The following PCDHA10 variants were observed in gnomAD, a reference collection of about 807,000 sequenced individuals.
The protein encoded by PCDHA10 is protocadherin alpha-10.
Under a neutral mutation model 61.2 loss-of-function variants are expected in PCDHA10, and 45 were observed. The ratio of observed to expected loss-of-function variants is 0.74; its 90% CI spans 0.58 to 0.94. The LOEUF (loss-of-function observed/expected upper bound fraction) is 0.94. PCDHA10 is among the 40% of genes least tolerant of loss of function. The probability of loss-of-function intolerance (pLI) is 0.00; values close to 1 mark genes in which losing one functional copy is unlikely to be tolerated. For missense variants in PCDHA10, 1,278 were observed against 1,236.2 expected (o/e 1.03, Z -0.51); for synonymous variants, 602 against 548.8 (o/e 1.10, Z -1.35).
chr5:140,892,158 T>A (rs1442080527), intron 1 of PCDHA10, among the ~76,000 whole-genome samples: 2 of 152,242 alleles, frequency 1.3e-5, no homozygotes, highest in Non-Finnish European at 2.9e-5. Context: ...ATTTCTGATA[T>A]GTCCAGTAAC....
intron 1 of PCDHA10, among the ~76,000 whole-genome samples, chr5:140,901,967 T>C (rs2069024315): frequency 6.6e-6 from 1 of 152,134 alleles, no homozygotes; most frequent in East Asian, 1.9e-4. Flanking sequence ...CTATCGTAAA[T>C]GGGATTACTT....
At chr5:140,944,344 C>T (rs567913669) in intron 1 of PCDHA10, among the ~76,000 whole-genome samples, 5 of 152,238 alleles carry the variant, frequency 3.3e-5, no homozygotes, top group Admixed American at 2.0e-4. Context: ...CGTGCCACCA[C>T]ACCTGGCTAA....
rs529065220 is a variant in PCDHA10, at chr5:140,930,291, C to T, written c.2389-48658C>T. On this transcript the variant is annotated intron_variant, in intron 1 of 3. Transcript: ENST00000307360. ...TATTTTAGGGGACAAATACACTTAA[C>T]AAATAAGTAAATATCATATTTGAGA... The T allele has an allele frequency of 2.6e-5, 4 of 152,208 alleles. No homozygotes were observed. The South Asian group carries it at 8.3e-4, about 32-fold the overall frequency. 9.4% of individuals were successfully genotyped at this position (152,208 alleles called of 1,614,324 possible). A position where few individuals can be genotyped will look rare whatever the true frequency, so the allele number is the denominator to read the frequency against.
At chr5:140,874,064 A>T (rs554642692) in intron 1 of PCDHA10, among the ~76,000 whole-genome samples, 17 of 152,334 alleles carry the variant, frequency 1.1e-4, no homozygotes, top group Admixed American at 1.1e-3. Flanking sequence ...AATTTAAATA[A>T]TTAGCCTGAT....
intron 1 of PCDHA10, chr5:140,877,538 C>T: frequency 1.2e-6 from 2 of 1,613,776 alleles, no homozygotes; most frequent in Non-Finnish European, 1.7e-6. Context: ...GCTGTGGATC[C>T]CGAAGCGGCT....
chr5:140,877,727 A>C, intron 1 of PCDHA10: 1 of 1,614,136 alleles, frequency 6.2e-7, no homozygotes, highest in South Asian at 1.1e-5. Flanking sequence ...TCTTACTCGC[A>C]GCAGAGGAGG....
intron 1 of PCDHA10, among the ~76,000 whole-genome samples, chr5:140,973,831 C>T (rs1212841510): frequency 1.3e-5 from 2 of 152,214 alleles, no homozygotes; most frequent in African/African-American, 4.8e-5. Flanking sequence ...GTTCTGGGTA[C>T]TTGCTTGTTG....
chr5:141,002,399 T>C (rs1352771753), intron 3 of PCDHA10, among the ~76,000 whole-genome samples: 1 of 152,236 alleles, frequency 6.6e-6, no homozygotes, highest in African/African-American at 2.4e-5. Context: ...GGCATCTCTG[T>C]GCCTCCCAAA....
intron 1 of PCDHA10, among the ~76,000 whole-genome samples, chr5:140,961,887 G>GT (rs35680913): frequency 0.069 from 9,857 of 143,718 alleles, 798 homozygotes; most frequent in African/African-American, 0.2. Flanking sequence ...ACTTACATCA[G>GT]TTTTTTTTTT....
chr5:140,928,152 T>G, intron 1 of PCDHA10: 1 of 1,614,200 alleles, frequency 6.2e-7, no homozygotes, highest in East Asian at 2.2e-5. Context: ...CCTCAGATAG[T>G]GGCTCACCCC....
chr5:140,958,873 A>G (rs1554223676), intron 1 of PCDHA10, among the ~76,000 whole-genome samples: 1 of 152,100 alleles, frequency 6.6e-6, no homozygotes, highest in East Asian at 1.9e-4. Context: ...TTTATAAAAG[A>G]ATTGACCAGT....
chr5:140,899,544 T>A (rs925092249), intron 1 of PCDHA10, among the ~76,000 whole-genome samples: 11 of 152,202 alleles, frequency 7.2e-5, no homozygotes, highest in Non-Finnish European at 1.5e-5. Context: ...TTGATCATGG[T>A]GGATAAGCTT....
intron 1 of PCDHA10, chr5:140,927,030 A>T: frequency 6.2e-7 from 1 of 1,612,410 alleles, no homozygotes; most frequent in Non-Finnish European, 8.5e-7. Flanking sequence ...TGAGGCTGCC[A>T]GCGGCCGCTA....
At chr5:140,883,960 G>C in intron 1 of PCDHA10, 5 of 1,613,090 alleles carry the variant, frequency 3.1e-6, no homozygotes, top group Non-Finnish European at 4.2e-6. Flanking sequence ...ACGCTCCGGC[G>C]CTGCTGACGC....
At position 140,880,762 on chromosome 5, in the gene PCDHA10, G is replaced by A. The variant is rs2153374847; in HGVS notation, c.2388+22326G>A. 3.9e-5 allele frequency among the ~76,000 whole-genome samples: 6 copies of A among 152,350 alleles called. No homozygotes were observed. The Middle Eastern group carries it at 0.014, about 345-fold the overall frequency. On this transcript the variant is annotated intron_variant, in intron 1 of 3. Coordinates refer to ENST00000307360, the MANE Select transcript of PCDHA10 (RefSeq NM_018901.4). ...GGATTGTCAGTGTAACTGCGTGTTGGAGGCTAAAAAGAATGTTAGAGGAGT... is the reference window on the plus strand; with the variant it reads ...GGATTGTCAGTGTAACTGCGTGTTGAAGGCTAAAAAGAATGTTAGAGGAGT...
At chr5:140,993,463 CACACACACACACACACACA>C (rs1563592092) in intron 3 of PCDHA10, among the ~76,000 whole-genome samples, 163 of 7,580 alleles carry the variant, frequency 0.022, 1 homozygote, top group African/African-American at 0.091. Context: ...CTTTCTTTCT[CACACACACACACACACACA>C]CACACACACA....
chr5:140,981,861 A>G (rs1554243465), intron 2 of PCDHA10, among the ~76,000 whole-genome samples: 1 of 152,126 alleles, frequency 6.6e-6, no homozygotes, highest in Non-Finnish European at 1.5e-5. Context: ...ACTCCCAGCA[A>G]TGTTTTATGC....
intron 1 of PCDHA10, among the ~76,000 whole-genome samples, chr5:140,960,813 A>C (rs1356756058): frequency 6.6e-6 from 1 of 152,202 alleles, no homozygotes; most frequent in Non-Finnish European, 1.5e-5. Context: ...AGAGGTCCCA[A>C]GTGATGAATG....
intron 3 of PCDHA10, among the ~76,000 whole-genome samples, chr5:140,999,830 T>C (rs146250053): frequency 2.0e-5 from 3 of 152,238 alleles, no homozygotes; most frequent in Non-Finnish European, 4.4e-5. Context: ...GCTTTAAAAA[T>C]ATGCCAAGTG....
Sources: gnomAD v4.1 joint callset for allele counts (sites outside exome capture counted in the v4.1 genomes callset) on GRCh38, gnomAD v4.1.1 for gene constraint, MANE v1.5 for transcripts, NCBI Gene and HGNC (gene_info 2026-07-23, HGNC 2026-07-21) for gene names.